SPOCK3: variants seen among roughly 807,000 people sequenced by gnomAD.
The protein encoded by SPOCK3 is SPARC (osteonectin), cwcv and kazal like domains proteoglycan 3.
In SPOCK3, 30 loss-of-function variants were observed where a neutral mutation model predicts 56.6. The ratio of observed to expected loss-of-function variants is 0.53; its 90% CI spans 0.40 to 0.72. The LOEUF is 0.72. Ranked by LOEUF, SPOCK3 falls within the 30% of genes least tolerant of loss-of-function variation. SPOCK3 has a pLI of 0.00. For synonymous variants in SPOCK3, 196 were observed against 183.3 expected (o/e 1.07, Z -0.56); for missense variants, 527 against 530.0 (o/e 0.99, Z 0.06).
chr4:166,773,179 A>C (rs1036227401), intron 7 of SPOCK3, among the ~76,000 whole-genome samples: 1 of 152,176 alleles, frequency 6.6e-6, no homozygotes, highest in African/African-American at 2.4e-5. Flanking sequence ...ATTCATTATG[A>C]TTATTTTCAC....
chr4:166,924,808 A>G (rs1047436034), intron 4 of SPOCK3, among the ~76,000 whole-genome samples: 15 of 152,216 alleles, frequency 9.9e-5, no homozygotes, highest in African/African-American at 3.4e-4. Context: ...TTCCCACCAT[A>G]TTGAAGGGAA....
At chr4:167,044,664 C>G (rs1051691963) in intron 3 of SPOCK3, among the ~76,000 whole-genome samples, 1 of 151,970 alleles carries the variant, frequency 6.6e-6, no homozygotes, top group South Asian at 2.1e-4. Context: ...GGTATTTCTT[C>G]TTTGACACAT....
At chr4:167,204,307 G>T (rs1439975167) in intron 2 of SPOCK3, among the ~76,000 whole-genome samples, 2 of 152,050 alleles carry the variant, frequency 1.3e-5, no homozygotes, top group East Asian at 1.9e-4. Flanking sequence ...GTATTAGTCT[G>T]TTCTCACACT....
At chr4:167,227,926 A>G (rs191583486) in intron 2 of SPOCK3, among the ~76,000 whole-genome samples, 260 of 152,296 alleles carry the variant, frequency 1.7e-3, no homozygotes, top group Non-Finnish European at 2.8e-3. Flanking sequence ...GTTTAAATAT[A>G]TAATCCCAAG....
intron 4 of SPOCK3, among the ~76,000 whole-genome samples, chr4:166,956,220 T>TACACACAC (rs70957803): frequency 1.6e-3 from 236 of 149,712 alleles, no homozygotes; most frequent in Middle Eastern, 0.014. Context: ...ACCACACACA[T>TACACACAC]ACACACACAC....
In SPOCK3 at chr4:166,803,924, C is replaced by T. The variant is rs76556740; in HGVS notation, c.590-11635G>A. On this transcript the variant is annotated intron_variant, in intron 6 of 10. Coordinates refer to ENST00000357545, the MANE Select transcript of SPOCK3 (RefSeq NM_001040159.2). Reference sequence around the variant, plus strand: ...CTGTAGAGTTGGTCAGAGAAAGAGGCCTTCTCTAACTTTAATAGCTACCCT... The same window carrying T: ...CTGTAGAGTTGGTCAGAGAAAGAGGTCTTCTCTAACTTTAATAGCTACCCT... Among the ~76,000 whole-genome samples the T allele has an allele frequency of 4.0e-3, 610 of 152,198 alleles. 4 individuals carry two copies. The highest frequency in any genetic ancestry group is 0.014 in the African/African-American group (576 of 41,540).
At chr4:167,192,335 T>C (rs1055123271) in intron 2 of SPOCK3, among the ~76,000 whole-genome samples, 2 of 145,964 alleles carry the variant, frequency 1.4e-5, no homozygotes, top group Non-Finnish European at 3.0e-5. Context: ...CAAACTTTTT[T>C]TGGCAGAGTT....
chr4:167,222,823 A>C (rs1484118154), intron 2 of SPOCK3, among the ~76,000 whole-genome samples: 1 of 128,000 alleles, frequency 7.8e-6, no homozygotes, highest in African/African-American at 3.1e-5. Context: ...ATAAATATAT[A>C]AACATAGATA....
intron 7 of SPOCK3, among the ~76,000 whole-genome samples, chr4:166,769,447 G>A (rs1221152746): frequency 6.6e-6 from 1 of 152,174 alleles, no homozygotes; most frequent in Admixed American, 6.5e-5. Context: ...TTTGCTGGAG[G>A]TCCACTCCAG....
At chr4:166,832,657 A>G (rs1746202296) in intron 6 of SPOCK3, among the ~76,000 whole-genome samples, 1 of 152,220 alleles carries the variant, frequency 6.6e-6, no homozygotes, top group Non-Finnish European at 1.5e-5. Flanking sequence ...GAATGAACCT[A>G]GAGATCCATC....
chr4:166,747,478 C>A (rs558407424), intron 8 of SPOCK3, among the ~76,000 whole-genome samples: 2 of 152,198 alleles, frequency 1.3e-5, no homozygotes, highest in East Asian at 1.9e-4. Flanking sequence ...ATTGATGGGA[C>A]ATATCTCAAA....
intron 2 of SPOCK3, among the ~76,000 whole-genome samples, chr4:167,206,676 C>G (rs765510843): frequency 6.6e-6 from 1 of 152,000 alleles, no homozygotes; most frequent in South Asian, 2.1e-4. Context: ...CACAATAAAA[C>G]TCCATCTTAA....
chr4:167,095,382 C>A (rs890323468), intron 2 of SPOCK3, among the ~76,000 whole-genome samples: 1 of 151,852 alleles, frequency 6.6e-6, no homozygotes, highest in Non-Finnish European at 1.5e-5. Flanking sequence ...ATTCTAAATT[C>A]AATAATCTAA....
intron 5 of SPOCK3, among the ~76,000 whole-genome samples, chr4:166,910,900 A>G (rs541945510): frequency 1.3e-5 from 2 of 152,300 alleles, no homozygotes; most frequent in Non-Finnish European, 2.9e-5. Context: ...TTAGGATTAA[A>G]ATTTACTTCC....
intron 6 of SPOCK3, among the ~76,000 whole-genome samples, chr4:166,819,889 A>G (rs1368165663): frequency 1.3e-5 from 2 of 151,770 alleles, no homozygotes; most frequent in Non-Finnish European, 2.9e-5. Flanking sequence ...CCAGATTAAT[A>G]TTTATAATTT....
In SPOCK3 at chr4:166,889,206, C is replaced by A. The variant is rs771214229; in HGVS notation, c.513G>T (p.Gln171His). The A allele has an allele frequency of 3.7e-6, 6 of 1,611,606 alleles. No individual in the cohort carries two copies. In the African/African-American group the frequency reaches 8.0e-5, roughly 22 times the overall value. Residue 171 changes from glutamine to histidine, a missense_variant, in exon 6 of 11, where the codon CAG (glutamine) becomes CAT (histidine). Coordinates refer to ENST00000357545, the MANE Select transcript of SPOCK3 (RefSeq NM_001040159.2). ...AATGTCCTTCACATTTGACTGAGAT[C>A]TGTTTTCCTAAGACACATGCCTGAT... is the stretch of plus-strand genomic sequence containing the variant. ...LEYQACVLGK[Q>H]ISVKCEGHCP...
At chr4:167,186,028 A>C (rs1731921398) in intron 2 of SPOCK3, among the ~76,000 whole-genome samples, 1 of 152,160 alleles carries the variant, frequency 6.6e-6, no homozygotes, top group Admixed American at 6.5e-5. Flanking sequence ...ACAGAGCTCT[A>C]AAGATATAAA....
rs150327080 is a variant in SPOCK3 at position 167,114,800 on chromosome 4, C to T, written c.190-52263G>A. ...CTCAAACCCGTGTTGTGGTAAGGTG[C>T]TATGTTTCCACGTTAACCATGTGCT... is the stretch of plus-strand genomic sequence containing the variant. On this transcript the variant is annotated intron_variant, in intron 2 of 10. Coordinates refer to ENST00000357545, the MANE Select transcript of SPOCK3 (RefSeq NM_001040159.2). Among the ~76,000 whole-genome samples, 232 of 152,118 alleles carry T rather than the reference C, an allele frequency of 1.5e-3. 2 individuals carry two copies. The highest frequency in any genetic ancestry group is 4.9e-3 in the African/African-American group (203 of 41,498).
At chr4:166,925,007 T>C (rs1164614258) in intron 4 of SPOCK3, among the ~76,000 whole-genome samples, 1 of 152,202 alleles carries the variant, frequency 6.6e-6, no homozygotes, top group Non-Finnish European at 1.5e-5. Context: ...CAGCAATAGA[T>C]TAAATATAAC....
Sources: gnomAD v4.1 joint callset for allele counts (sites outside exome capture counted in the v4.1 genomes callset) on GRCh38, gnomAD v4.1.1 for gene constraint, MANE v1.5 for transcripts, NCBI Gene and HGNC (gene_info 2026-07-23, HGNC 2026-07-21) for gene names.